The following ZBTB20 variants were observed in gnomAD, a reference collection of about 807,000 sequenced individuals.
ZBTB20 encodes the protein zinc finger and BTB domain containing 20.
ZBTB20 carries 9 observed loss-of-function variants against 56.9 expected under a neutral mutation model. The observed-to-expected ratio is 0.16, with a 90% CI of 0.10 to 0.28. The LOEUF (loss-of-function observed/expected upper bound fraction) is 0.28, where lower values mean the gene tolerates loss of function less well. Among genes scored for constraint, ZBTB20 ranks in the 10% least tolerant of loss-of-function variants. ZBTB20 has a pLI of 1.00. For synonymous variants in ZBTB20, 417 were observed against 420.7 expected, an observed-to-expected ratio of 0.99 and a Z score of 0.11; for missense variants, 655 against 1,003.0, an observed-to-expected ratio of 0.65 and a Z score of 4.69.
intron 4 of ZBTB20, among the ~76,000 whole-genome samples, chr3:114,838,129 C>A (rs1329987824): frequency 5.9e-5 from 9 of 152,064 alleles, no homozygotes; most frequent in Non-Finnish European, 8.8e-5. Context: ...CTGTCGGAGA[C>A]CTAATGAGGC....
At chr3:115,078,506 C>T (rs1455968710) in intron 1 of ZBTB20, among the ~76,000 whole-genome samples, 14 of 151,496 alleles carry the variant, frequency 9.2e-5, no homozygotes, top group Non-Finnish European at 1.0e-4. Flanking sequence ...AAATTACAGA[C>T]GATTATTTTA....
At chr3:114,890,313 A>G (rs1327417703) in intron 4 of ZBTB20, among the ~76,000 whole-genome samples, 1 of 152,230 alleles carries the variant, frequency 6.6e-6, no homozygotes, top group Non-Finnish European at 1.5e-5. Flanking sequence ...GAGTTCCCCT[A>G]TATTCCTCAT....
rs35607205 is a variant in ZBTB20, at chr3:115,118,703, A to ATTTT, written c.-703+28512_-703+28515dup. On this transcript the variant is annotated intron_variant, in intron 1 of 11. Transcript: ENST00000675478. Reference sequence around the variant, plus strand: ...GGACCTAAAACTTTACCTGGTACAAATTTTTTTTTTTTTTTTTTTTTTTTT... The same window carrying ATTTT: ...GGACCTAAAACTTTACCTGGTACAAATTTTTTTTTTTTTTTTTTTTTTTTTTTTT... Among the ~76,000 whole-genome samples, 767 of 82,264 alleles carry ATTTT rather than the reference A, an allele frequency of 9.3e-3. 66 individuals are homozygous for ATTTT. The highest frequency in any genetic ancestry group is 0.033 in the Admixed American group (196 of 5,858). 54.0% of individuals were successfully genotyped at this position (82,264 alleles called of 152,430 possible). A position where few individuals can be genotyped will look rare whatever the true frequency, so the allele number is the denominator to read the frequency against.
At chr3:114,532,420 G>C (rs1033476718) in intron 6 of ZBTB20, among the ~76,000 whole-genome samples, 1 of 152,192 alleles carries the variant, frequency 6.6e-6, no homozygotes, top group African/African-American at 2.4e-5. Flanking sequence ...AGCCACTGTA[G>C]AAAGACTGCC....
intron 5 of ZBTB20, among the ~76,000 whole-genome samples, chr3:114,731,979 T>C (rs569648654): frequency 1.3e-5 from 2 of 152,298 alleles, no homozygotes; most frequent in South Asian, 4.1e-4. Context: ...CTAATCTGTC[T>C]ATATATCTAA....
chr3:115,043,059 A>G (rs1392129201), intron 2 of ZBTB20, among the ~76,000 whole-genome samples: 1 of 152,190 alleles, frequency 6.6e-6, no homozygotes, highest in East Asian at 1.9e-4. Context: ...TGGCCTTTCC[A>G]GTTTTCGGTT....
intron 5 of ZBTB20, among the ~76,000 whole-genome samples, chr3:114,781,296 T>A (rs1008694320): frequency 3.9e-5 from 6 of 152,150 alleles, no homozygotes; most frequent in African/African-American, 1.4e-4. Context: ...GTTGTGAGGA[T>A]GGAATGCCAT....
At chr3:114,465,294 G>A (rs2092496651) in intron 7 of ZBTB20, among the ~76,000 whole-genome samples, 1 of 152,082 alleles carries the variant, frequency 6.6e-6, no homozygotes, top group Admixed American at 6.6e-5. Flanking sequence ...TTAATAATTT[G>A]AAATCATTAG....
At chr3:114,878,470 G>T (rs1206394881) in intron 4 of ZBTB20, among the ~76,000 whole-genome samples, 2 of 151,612 alleles carry the variant, frequency 1.3e-5, no homozygotes, top group Non-Finnish European at 2.9e-5. Context: ...GGAGGGAAAT[G>T]GTAAAATAGA....
At position 114,350,167 on chromosome 3, in the gene ZBTB20, A is replaced by T. The variant is rs796808695; in HGVS notation, c.1804+107T>A. ...GAGGCTTGTGGTGGGGTCTGTTTAA[A>T]ATCTGAAAGATGATCCCAAACCTTC... On this transcript the variant is annotated intron_variant, in intron 11 of 11. Transcript: ENST00000675478. 43 of 1,477,366 alleles carry T rather than the reference A, an allele frequency of 2.9e-5. No homozygotes were observed. In the African/African-American group the frequency reaches 5.8e-4, roughly 20 times the overall value. The allele number at this position is 1,477,366 out of a possible 1,614,324, so 91.5% of individuals were successfully genotyped here. A position where few individuals can be genotyped will look rare whatever the true frequency, so the allele number is the denominator to read the frequency against.
intron 2 of ZBTB20, among the ~76,000 whole-genome samples, chr3:115,008,689 C>T (rs1253852629): frequency 1.3e-5 from 2 of 151,770 alleles, no homozygotes; most frequent in South Asian, 2.1e-4. Flanking sequence ...TTTTGTATTT[C>T]CTTGGTATTA....
chr3:114,508,269 G>A (rs910667940), intron 6 of ZBTB20, among the ~76,000 whole-genome samples: 1 of 152,080 alleles, frequency 6.6e-6, no homozygotes, highest in African/African-American at 2.4e-5. Context: ...GGTCTAACAG[G>A]GGTGGCAAGT....
At chr3:114,884,873 C>G (rs762439385) in intron 4 of ZBTB20, among the ~76,000 whole-genome samples, 2 of 152,102 alleles carry the variant, frequency 1.3e-5, no homozygotes, top group African/African-American at 2.4e-5. Flanking sequence ...AATGATGGCT[C>G]AAAAACCCCT....
chr3:114,536,878 A>G (rs2048527074), intron 6 of ZBTB20, among the ~76,000 whole-genome samples: 1 of 152,208 alleles, frequency 6.6e-6, no homozygotes, highest in African/African-American at 2.4e-5. Flanking sequence ...GACAAAAACA[A>G]GAAAAGGGGA....
At chr3:115,087,453 T>G (rs755355252) in intron 1 of ZBTB20, among the ~76,000 whole-genome samples, 6 of 151,914 alleles carry the variant, frequency 3.9e-5, no homozygotes, top group Non-Finnish European at 7.4e-5. Context: ...AGTCTAAATA[T>G]ATTTAATAAC....
intron 7 of ZBTB20, among the ~76,000 whole-genome samples, chr3:114,490,603 C>T (rs776219029): frequency 6.6e-6 from 1 of 152,102 alleles, no homozygotes; most frequent in Admixed American, 6.6e-5. Flanking sequence ...GTCTCCAGCC[C>T]TCTTAAATAA....
rs2079257772 is a variant in ZBTB20, at chr3:114,331,585, T to G, written c.*7420A>C. On this transcript the variant is annotated 3_prime_UTR_variant, in exon 12 of 12. Coordinates refer to ENST00000675478, the MANE Select transcript of ZBTB20 (RefSeq NM_001348800.3). ...ATAAGTATATACACAAACACACACATGTGCACACATGTCAATAAATCCAAT... is the reference window on the plus strand; with the variant it reads ...ATAAGTATATACACAAACACACACAGGTGCACACATGTCAATAAATCCAAT... 2 of 152,136 alleles carry G rather than the reference T, an allele frequency of 1.3e-5. No homozygotes were observed. Among genetic ancestry groups the G allele is most frequent in the Non-Finnish European group, 2.9e-5 (2 of 68,032 alleles). 9.4% of individuals were successfully genotyped at this position (152,136 alleles called of 1,614,324 possible). A position where few individuals can be genotyped will look rare whatever the true frequency, so the allele number is the denominator to read the frequency against.
chr3:114,725,173 A>G (rs373449927), intron 5 of ZBTB20, among the ~76,000 whole-genome samples: 77 of 152,364 alleles, frequency 5.1e-4, no homozygotes, highest in African/African-American at 1.9e-3. Flanking sequence ...TTAAGTCAGA[A>G]TTCAGTTAGA....
At chr3:115,123,597 A>G (rs766372003) in intron 1 of ZBTB20, among the ~76,000 whole-genome samples, 5 of 152,202 alleles carry the variant, frequency 3.3e-5, no homozygotes, top group Non-Finnish European at 5.9e-5. Flanking sequence ...GAAAATGGCA[A>G]TGACTGAGGG....
Sources: allele counts gnomAD v4.1 joint callset (sites outside exome capture counted in the v4.1 genomes callset), GRCh38; gene constraint gnomAD v4.1.1; transcripts MANE v1.5; gene names NCBI Gene and HGNC (gene_info 2026-07-23, HGNC 2026-07-21).